Variants in ITSN2 observed in about 807,000 individuals in gnomAD.
ITSN2 encodes intersectin-2.
In ITSN2, 156 loss-of-function variants were observed where a neutral mutation model predicts 243.7. The observed-to-expected ratio is 0.64, with a 90% confidence interval of 0.56 to 0.73. The LOEUF (loss-of-function observed/expected upper bound fraction) is 0.73. Ranked by LOEUF, ITSN2 falls within the 30% of genes least tolerant of loss-of-function variation. ITSN2 has a pLI of 0.00. For missense variants in ITSN2, 1,801 were observed against 1,996.1 expected (o/e 0.90, Z 1.86); for synonymous variants, 703 against 699.9 (o/e 1.00, Z -0.07).
rs2151105284 is a variant in ITSN2, at chr2:24,211,906, T to C, written c.4089+744A>G. Among the ~76,000 whole-genome samples the C allele has an allele frequency of 6.6e-6, 1 of 152,336 alleles. No homozygotes were observed. The highest frequency in any genetic ancestry group is 2.1e-4 in the South Asian group (1 of 4,826). On this transcript the variant is annotated intron_variant, in intron 33 of 39. Transcript: ENST00000355123. This position sits in a 1 kb window ranked among gnomAD's most constrained non-coding sequence, Gnocchi z 4.1. ...TGTGAACCTGCATTATGGTTCAGTT[T>C]AGTGCAGGCGTCTATCACATGAGGT... is the stretch of plus-strand genomic sequence containing the variant.
At chr2:24,205,591 A>G (rs894978349) in intron 37 of ITSN2, 2 of 366,126 alleles carry the variant, frequency 5.5e-6, no homozygotes, top group South Asian at 5.3e-5. Flanking sequence ...CTCTGCATCC[A>G]GTATCCCTCG....
chr2:24,264,329 A>C (rs1461610043), intron 20 of ITSN2, among the ~76,000 whole-genome samples: 1 of 151,968 alleles, frequency 6.6e-6, no homozygotes, highest in Admixed American at 6.6e-5. Context: ...AGGAGGTTGC[A>C]GTGAGCCAAG....
intron 24 of ITSN2, among the ~76,000 whole-genome samples, chr2:24,254,111 C>T (rs1293732175): frequency 6.6e-6 from 1 of 152,176 alleles, no homozygotes; most frequent in Non-Finnish European, 1.5e-5. Flanking sequence ...TGATGTTATT[C>T]ATCAAACCAG....
chr2:24,339,307 C>CA (rs1286832110), intron 1 of ITSN2, among the ~76,000 whole-genome samples: 5 of 30,826 alleles, frequency 1.6e-4, no homozygotes, highest in Non-Finnish European at 4.3e-4. Flanking sequence ...TCCATCTCTA[C>CA]AAAAAACACA....
chr2:24,299,673 T>G (rs1681474765), intron 12 of ITSN2, among the ~76,000 whole-genome samples: 2 of 152,242 alleles, frequency 1.3e-5, no homozygotes, highest in African/African-American at 2.4e-5. Context: ...GATTGAGATA[T>G]CACCTGCAGA....
At chr2:24,210,431 G>C (rs907263837) in intron 34 of ITSN2, 14 of 282,624 alleles carry the variant, frequency 5.0e-5, no homozygotes, top group Non-Finnish European at 9.3e-5. Context: ...GGCCAACATG[G>C]TGAAACCCCA....
At chr2:24,309,480 G>T (rs538581744) in intron 7 of ITSN2, among the ~76,000 whole-genome samples, 1 of 152,178 alleles carries the variant, frequency 6.6e-6, no homozygotes, top group Non-Finnish European at 1.5e-5. Flanking sequence ...GATTACAGGC[G>T]TGAGCCACTG....
At chr2:24,210,120 A>G in intron 34 of ITSN2, 87 bp from the exon 35 acceptor site, 1 of 918,382 alleles carries the variant, frequency 1.1e-6, no homozygotes. Context: ...GCCTGAGGAT[A>G]CTGTGGTGGA....
rs956515489 is a variant in ITSN2 at position 24,328,467 on chromosome 2, CT to C, written c.-33-353del. On this transcript the variant is annotated intron_variant, in intron 1 of 39. Transcript: ENST00000355123. ...TATAAGAATAACATGGAAATCCATA[CT>C]TTTTTTTTTTTTTAAATAGAGTCTC... Among the ~76,000 whole-genome samples the C allele has an allele frequency of 5.5e-3, 789 of 144,014 alleles. 3 individuals are homozygous for C. The highest frequency in any genetic ancestry group is 0.01 in the African/African-American group (414 of 39,496). 94.5% of individuals were successfully genotyped at this position (144,014 alleles called of 152,430 possible). A position where few individuals can be genotyped will look rare whatever the true frequency, so the allele number is the denominator to read the frequency against.
At chr2:24,324,115 C>A (rs922677239) in intron 2 of ITSN2, among the ~76,000 whole-genome samples, 1 of 152,088 alleles carries the variant, frequency 6.6e-6, no homozygotes, top group Non-Finnish European at 1.5e-5. Context: ...GCCTGTAGTC[C>A]CAGCTACTCG....
intron 10 of ITSN2, 149 bp downstream of exon 10, chr2:24,301,816 C>T: frequency 1.4e-6 from 1 of 717,758 alleles, no homozygotes; most frequent in South Asian, 2.8e-5. Context: ...AGCTGCCACG[C>T]CTGGCCCACA....
intron 20 of ITSN2, among the ~76,000 whole-genome samples, chr2:24,263,532 CA>C (rs1350068582): frequency 6.6e-6 from 1 of 152,158 alleles, no homozygotes; most frequent in East Asian, 1.9e-4. Flanking sequence ...CCATCACCCC[CA>C]AAAGTTTCCT....
chr2:24,238,005 CT>C (rs2151238827), intron 29 of ITSN2, among the ~76,000 whole-genome samples: 1 of 152,228 alleles, frequency 6.6e-6, no homozygotes, highest in African/African-American at 2.4e-5. Flanking sequence ...TATAATTACA[CT>C]TCCCCACCAT....
At position 24,310,666 on chromosome 2, in the gene ITSN2, T is replaced by A. The variant is rs763672361; in HGVS notation, c.379A>T (p.Ile127Phe). ...FGMGSMPNLS[I>F]PQPLPPAAPI... ...GCAGCTGGAGGCAATGGCTGAGGAATGGACAGATTGGGCATGCTTCCCATT... is the reference window on the plus strand; with the variant it reads ...GCAGCTGGAGGCAATGGCTGAGGAAAGGACAGATTGGGCATGCTTCCCATT... The change falls in exon 6 of 40, where the codon ATT becomes TTT. Residue 127 changes from isoleucine (I) to phenylalanine (F), a missense_variant. This residue lies in a region of ITSN2 where 787 missense variants were observed against 803.9 expected (regional missense o/e 0.98). Coordinates refer to ENST00000355123, the MANE Select transcript of ITSN2 (RefSeq NM_006277.3). The A allele has an allele frequency of 4.7e-5, 76 of 1,614,040 alleles. No homozygotes were observed. The highest frequency in any genetic ancestry group is 6.3e-5 in the Non-Finnish European group (74 of 1,180,012).
At chr2:24,206,042 G>T (rs1383976676) in intron 37 of ITSN2, among the ~76,000 whole-genome samples, 1 of 152,138 alleles carries the variant, frequency 6.6e-6, no homozygotes, top group East Asian at 1.9e-4. Flanking sequence ...AATGTGGGAA[G>T]GACTGAACGC....
chr2:24,356,486 T>C (rs933449475), intron 1 of ITSN2, among the ~76,000 whole-genome samples: 9 of 71,016 alleles, frequency 1.3e-4, no homozygotes, highest in African/African-American at 4.7e-4. Flanking sequence ...TAAACATATC[T>C]ACAAGAAAAA....
intron 29 of ITSN2, among the ~76,000 whole-genome samples, chr2:24,228,982 A>C (rs1322222679): frequency 6.6e-6 from 1 of 152,140 alleles, no homozygotes; most frequent in African/African-American, 2.4e-5. Flanking sequence ...ATTAGGCTTT[A>C]AGGACCCGTA....
chr2:24,276,225 C>T (rs1250662528), intron 17 of ITSN2, among the ~76,000 whole-genome samples: 3 of 152,148 alleles, frequency 2.0e-5, no homozygotes, highest in Non-Finnish European at 4.4e-5. Flanking sequence ...ATGTTTTTGA[C>T]ATATGTAATT....
At chr2:24,264,121 G>A (rs1262502604) in intron 20 of ITSN2, among the ~76,000 whole-genome samples, 1 of 152,164 alleles carries the variant, frequency 6.6e-6, no homozygotes, top group Non-Finnish European at 1.5e-5. Flanking sequence ...GCTGGGCACG[G>A]TGGCTCATGC....
Sources: allele counts gnomAD v4.1 joint callset (sites outside exome capture counted in the v4.1 genomes callset), GRCh38; gene constraint gnomAD v4.1.1; regional missense constraint gnomAD v4.1.1; non-coding constraint Gnocchi (gnomAD v3.1); transcripts MANE v1.5; gene names NCBI Gene and HGNC (gene_info 2026-07-23, HGNC 2026-07-21).